The following LRP1 variants were observed in gnomAD, a reference collection of about 807,000 sequenced individuals.
LRP1 encodes the protein prolow-density lipoprotein receptor-related protein 1.
LRP1 carries 51 observed loss-of-function variants against 541.5 expected under a neutral mutation model. The observed-to-expected ratio is 0.09, with a 90% CI of 0.08 to 0.12. The LOEUF (loss-of-function observed/expected upper bound fraction) is 0.12, where lower values mean the gene tolerates loss of function less well. LRP1 is among the 10% of genes least tolerant of loss of function. LRP1 has a pLI of 1.00. For missense variants in LRP1, 3,878 were observed against 6,376.2 expected (o/e 0.61, Z 13.34); for synonymous variants, 2,219 against 2,470.8 (o/e 0.90, Z 3.02).
At chr12:57,151,312 G>A (rs370623647) in intron 6 of LRP1, among the ~76,000 whole-genome samples, 22 of 152,290 alleles carry the variant, frequency 1.4e-4, no homozygotes, top group African/African-American at 5.3e-4. Flanking sequence ...AAAGTCCTCT[G>A]TGCCATAATG....
Position 57,208,233 on chromosome 12 carries a change from G to A in LRP1, c.12038+17G>A, listed in dbSNP as rs374232805. ...ACTGAGGGGGTGGGCAAGGGCCCTG[G>A]GGGGAGGCCTCTGGGCTGGTGGTAG... is the stretch of plus-strand genomic sequence containing the variant. On this transcript the variant is annotated intron_variant, in intron 77 of 88. Coordinates refer to ENST00000243077, the MANE Select transcript of LRP1 (RefSeq NM_002332.3). The A allele has an allele frequency of 2.5e-6, 4 of 1,609,822 alleles. No individual in the cohort carries two copies. The highest frequency in any genetic ancestry group is 3.4e-6 in the Non-Finnish European group (4 of 1,178,016).
chr12:57,141,597 T>TG, intron 3 of LRP1, 86 bp downstream of exon 3: 1 of 1,528,874 alleles, frequency 6.5e-7, no homozygotes, highest in Admixed American at 1.7e-5. Flanking sequence ...GCACCTTCAG[T>TG]GGGGATGAGG....
At chr12:57,132,333 C>G (rs916166679) in intron 1 of LRP1, among the ~76,000 whole-genome samples, 3 of 152,110 alleles carry the variant, frequency 2.0e-5, no homozygotes, top group Non-Finnish European at 4.4e-5. Flanking sequence ...GAAAGCCTCT[C>G]CCTCTCCCAC....
At position 57,200,745 on chromosome 12, in the gene LRP1, C is replaced by T. The variant is rs1276930735; in HGVS notation, c.10155C>T (p.Ile3385=). 6.2e-7 allele frequency: 1 copy of T among 1,614,064 alleles called. No individual in the cohort carries two copies. Among genetic ancestry groups the T allele is most frequent in the East Asian group, 2.2e-5 (1 of 44,888 alleles). Residue 3385 remains isoleucine, a synonymous_variant, in exon 64 of 89, where the codon ATC becomes ATT. Coordinates refer to ENST00000243077, the MANE Select transcript of LRP1 (RefSeq NM_002332.3). ...RPGQFQCSTG[I]CTNPAFICDG... ...GACAGTTCCAGTGCTCCACAGGTATCTGCACAAACCCTGCCTTCATCTGCG... is the reference window on the plus strand; with the variant it reads ...GACAGTTCCAGTGCTCCACAGGTATTTGCACAAACCCTGCCTTCATCTGCG...
rs558613005 is a variant in LRP1, at chr12:57,165,403, G to A, written c.2531-402G>A. The A allele has an allele frequency of 1.5e-4, 27 of 174,728 alleles. No homozygotes were observed. Among genetic ancestry groups the A allele is most frequent in the African/African-American group, 6.2e-4 (26 of 42,042 alleles). The allele number at this position is 174,728 out of a possible 1,614,324, so 10.8% of individuals were successfully genotyped here. ...CATCTTCACTTCTGCTGGTGGGACC[G>A]ATGAAACTGTGAAATAAAAAGTCCA... On this transcript the variant is annotated intron_variant, in intron 15 of 88. Coordinates refer to ENST00000243077, the MANE Select transcript of LRP1 (RefSeq NM_002332.3). The surrounding 1 kb of genome is among the most constrained non-coding windows in gnomAD (Gnocchi z 4.5).
Position 57,211,682 on chromosome 12 carries a change from G to A in LRP1, c.13194-68G>A, listed in dbSNP as rs150806152. ...CGTCAGGCCTCAGTGCCCACCCCCC[G>A]CCCTGTTTTCCTGGCAGCAGTGGCT... is the stretch of plus-strand genomic sequence containing the variant. On this transcript the variant is annotated intron_variant, in intron 85 of 88. Transcript: ENST00000243077. This position sits in a 1 kb window ranked among gnomAD's most constrained non-coding sequence, Gnocchi z 4.3. 6.5e-3 allele frequency: 10,239 copies of A among 1,583,992 alleles called. 66 individuals are homozygous for A. The highest frequency in any genetic ancestry group is 6.7e-3 in the Non-Finnish European group (7,696 of 1,156,442).
intron 76 of LRP1, among the ~76,000 whole-genome samples, chr12:57,207,156 TG>T (rs1565755690): frequency 6.6e-6 from 1 of 151,022 alleles, no homozygotes; most frequent in African/African-American, 2.4e-5. Context: ...GGCAGGAGAA[TG>T]GCATGAACCC....
rs974675760 is a variant in LRP1 at position 57,201,972 on chromosome 12, G to A, written c.10594+67G>A. 4 of 1,598,068 alleles carry A rather than the reference G, an allele frequency of 2.5e-6. No individual in the cohort carries two copies. Among genetic ancestry groups the A allele is most frequent in the African/African-American group, 2.7e-5 (2 of 74,636 alleles). ...GGTGGGAGGCATGGCACCCCTGGCAGGTGGAGGGCTGGGGGCCGCCTGCTT... is the reference window on the plus strand; with the variant it reads ...GGTGGGAGGCATGGCACCCCTGGCAAGTGGAGGGCTGGGGGCCGCCTGCTT... On this transcript the variant is annotated intron_variant, in intron 67 of 88. Coordinates refer to ENST00000243077, the MANE Select transcript of LRP1 (RefSeq NM_002332.3). The surrounding 1 kb of genome is among the most constrained non-coding windows in gnomAD (Gnocchi z 6.4).
In LRP1 at chr12:57,156,699, G is replaced by A; in HGVS notation, c.1418-78G>A. The stretch of plus-strand genomic sequence containing the variant: ...CAAAGACCACAGCAGCAGGGGGTGT[G>A]GTCAGATTCAGGAAGCCTTCTCAAG... On this transcript the variant is annotated intron_variant, in intron 9 of 88. Transcript: ENST00000243077. This position sits in a 1 kb window ranked among gnomAD's most constrained non-coding sequence, Gnocchi z 5.2. 6.9e-7 allele frequency: 1 copy of A among 1,459,726 alleles called. No homozygotes were observed. The allele number at this position is 1,459,726 out of a possible 1,614,324, so 90.4% of individuals were successfully genotyped here. A position where few individuals can be genotyped will look rare whatever the true frequency, so the allele number is the denominator to read the frequency against.
intron 11 of LRP1, 111 bp from the exon 12 acceptor site, chr12:57,159,714 C>T: frequency 9.5e-7 from 1 of 1,050,408 alleles, no homozygotes; most frequent in Non-Finnish European, 1.4e-6. Flanking sequence ...GGTCCCTGCA[C>T]CCCTCTGTAG....
chr12:57,167,072 AG>A (rs758810579), intron 18 of LRP1, 26 bp downstream of exon 18: 9 of 1,594,790 alleles, frequency 5.6e-6, no homozygotes, highest in Non-Finnish European at 7.7e-6. Flanking sequence ...AGAGGGAGTC[AG>A]GCTGGGCCTG....
At position 57,156,264 on chromosome 12, in the gene LRP1, C is replaced by G; in HGVS notation, c.1398C>G (p.His466Gln). ...AGGGTGGTGCCCTCCACATCTACCACCAGAGGCGTCAGCCCCGAGGTGAGC... is the reference window on the plus strand; with the variant it reads ...AGGGTGGTGCCCTCCACATCTACCAGCAGAGGCGTCAGCCCCGAGGTGAGC... ...VDKGGALHIY[H>Q]QRRQPRVRSH... is the part of the protein sequence containing the mutation. Residue 466 changes from histidine to glutamine, a missense_variant, in exon 9 of 89, where the codon CAC (histidine) becomes CAG (glutamine). Coordinates refer to ENST00000243077, the MANE Select transcript of LRP1 (RefSeq NM_002332.3). This position sits in a 1 kb window ranked among gnomAD's most constrained non-coding sequence, Gnocchi z 5.2. 1 of 1,614,136 alleles carries G rather than the reference C, an allele frequency of 6.2e-7. No homozygotes were observed. The highest frequency in any genetic ancestry group is 8.5e-7 in the Non-Finnish European group (1 of 1,180,012).
Position 57,167,537 on chromosome 12 carries a change from T to C in LRP1, c.2995+13T>C, listed in dbSNP as rs200004494. 8.6e-5 allele frequency: 138 copies of C among 1,608,112 alleles called. No homozygotes were observed. Among genetic ancestry groups the C allele is most frequent in the Non-Finnish European group, 1.1e-4 (134 of 1,174,656 alleles). ...AGATGCGACAATGGTAAGAGCTTGC[T>C]CTCCTCACCTGCTGATTCCTAAGAC... On this transcript the variant is annotated intron_variant, in intron 19 of 88. Coordinates refer to ENST00000243077, the MANE Select transcript of LRP1 (RefSeq NM_002332.3).
At position 57,205,682 on chromosome 12, in the gene LRP1, C is replaced by T. The variant is rs547917087; in HGVS notation, c.11590+5C>T. 8.7e-6 allele frequency: 14 copies of T among 1,609,296 alleles called. No individual in the cohort carries two copies. The highest frequency in any genetic ancestry group is 1.6e-4 in the Middle Eastern group (1 of 6,062). ...ACAACACCTGCAAGGCCGAAGGTGC[C>T]GGAGCCACCAGAGGGCAGAAAGGCT... On this transcript the variant is annotated splice_donor_5th_base_variant and intron_variant, in intron 75 of 88. Coordinates refer to ENST00000243077, the MANE Select transcript of LRP1 (RefSeq NM_002332.3). This position sits in a 1 kb window ranked among gnomAD's most constrained non-coding sequence, Gnocchi z 4.6.
At chr12:57,140,847 C>T (rs1022176421) in intron 2 of LRP1, among the ~76,000 whole-genome samples, 1 of 152,194 alleles carries the variant, frequency 6.6e-6, no homozygotes, top group African/African-American at 2.4e-5. Flanking sequence ...ATTCTCCTGC[C>T]TCAGCCTCCC....
intron 58 of LRP1, 26 bp from the exon 59 acceptor site, chr12:57,198,130 T>C: frequency 6.3e-7 from 1 of 1,584,408 alleles, no homozygotes; most frequent in South Asian, 1.1e-5. Context: ...CACCCAGAGC[T>C]CTCCCTCCCC....
chr12:57,163,272 T>A (rs1306468586), intron 15 of LRP1, among the ~76,000 whole-genome samples: 1 of 152,226 alleles, frequency 6.6e-6, no homozygotes, highest in Non-Finnish European at 1.5e-5. Context: ...CTTCACTTCT[T>A]TTAAATGTAT....
rs574558398 is a variant in LRP1, at chr12:57,206,360, C to T, written c.11591-113C>T. ...GGGAGGGTAAGCAGCAGCTTCTGGC[C>T]GGAGCAGATGGTCCTACCAGGAGAT... On this transcript the variant is annotated intron_variant, in intron 75 of 88. Transcript: ENST00000243077. This position sits in a 1 kb window ranked among gnomAD's most constrained non-coding sequence, Gnocchi z 4.7. The T allele has an allele frequency of 7.9e-6, 9 of 1,133,782 alleles. No individual in the cohort carries two copies. In the African/African-American group the frequency reaches 1.2e-4, roughly 15 times the overall value. The allele number at this position is 1,133,782 out of a possible 1,614,324, so 70.2% of individuals were successfully genotyped here. A position where few individuals can be genotyped will look rare whatever the true frequency, so the allele number is the denominator to read the frequency against.
rs912291273 is a variant in LRP1 at position 57,196,071 on chromosome 12, C to T, written c.8702-16C>T. 1 of 1,609,546 alleles carries T rather than the reference C, an allele frequency of 6.2e-7. No individual in the cohort carries two copies. Among genetic ancestry groups the T allele is most frequent in the Non-Finnish European group, 8.5e-7 (1 of 1,177,042 alleles). ...GCCTGAGACCCCGCTGACCTGCCGC[C>T]TCCGCCCCTCCGCAGAGCACAAGTG... On this transcript the variant is annotated splice_polypyrimidine_tract_variant and intron_variant, in intron 54 of 88. Transcript: ENST00000243077.
Sources: allele counts gnomAD v4.1 joint callset (sites outside exome capture counted in the v4.1 genomes callset), GRCh38; gene constraint gnomAD v4.1.1; non-coding constraint Gnocchi (gnomAD v3.1); transcripts MANE v1.5; gene names NCBI Gene and HGNC (gene_info 2026-07-23, HGNC 2026-07-21).